MGAT5: variants seen among roughly 807,000 people sequenced by gnomAD.
MGAT5 encodes alpha-1,6-mannosylglycoprotein 6-beta-N-acetylglucosaminyltransferase A.
In MGAT5, 30 loss-of-function variants were observed where a neutral mutation model predicts 94.3. That is an observed-to-expected ratio of 0.32 (90% CI 0.24 to 0.43). The LOEUF is 0.43. Ranked by LOEUF, MGAT5 falls within the 20% of genes least tolerant of loss-of-function variation. The pLI is 1.00. For missense variants in MGAT5, 691 were observed against 905.5 expected (o/e 0.76, Z 3.04); for synonymous variants, 310 against 322.9 (o/e 0.96, Z 0.43).
intron 11 of MGAT5, among the ~76,000 whole-genome samples, chr2:134,407,874 T>C (rs1344640289): frequency 6.6e-6 from 1 of 152,192 alleles, no homozygotes; most frequent in Non-Finnish European, 1.5e-5. Context: ...AATTGGGCAG[T>C]CCCATTCAGA....
intron 1 of MGAT5, among the ~76,000 whole-genome samples, chr2:134,182,860 C>G (rs1688811764): frequency 7.0e-6 from 1 of 142,042 alleles, no homozygotes; most frequent in South Asian, 2.3e-4. Flanking sequence ...GATCTCAGCT[C>G]ACTGCAAGCT....
chr2:134,338,312 A>G lies in MGAT5; in HGVS notation c.699A>G (p.Glu233=). ...NILYSMMKKH[E]EFRWMRLRIR... ...TCTACAGTATGATGAAAAAGCATGA[A>G]GAATTCCGGTGGATGAGACTACGGA... is the stretch of plus-strand genomic sequence containing the variant. Residue 233 remains glutamate (E), a synonymous_variant, in exon 6 of 16, where the codon GAA becomes GAG. Transcript: ENST00000281923. The G allele has an allele frequency of 1.2e-6, 2 of 1,613,266 alleles. No individual in the cohort carries two copies. The highest frequency in any genetic ancestry group is 1.7e-6 in the Non-Finnish European group (2 of 1,179,544).
At chr2:134,272,253 G>A (rs1684075259) in intron 2 of MGAT5, among the ~76,000 whole-genome samples, 1 of 152,192 alleles carries the variant, frequency 6.6e-6, no homozygotes, top group Non-Finnish European at 1.5e-5. Flanking sequence ...TTGAGCTAGT[G>A]TACCGCTTAA....
At chr2:134,389,646 G>T (rs1402941158) in intron 10 of MGAT5, among the ~76,000 whole-genome samples, 1 of 152,182 alleles carries the variant, frequency 6.6e-6, no homozygotes. Flanking sequence ...TTAATGGTGT[G>T]TGAAGGTGAC....
intron 12 of MGAT5, among the ~76,000 whole-genome samples, chr2:134,418,863 C>G (rs992948965): frequency 6.6e-6 from 1 of 152,190 alleles, no homozygotes; most frequent in East Asian, 1.9e-4. Flanking sequence ...CCTCCAGCAA[C>G]ATCAGACAGC....
chr2:134,126,114 G>C (rs1685827978), intron 1 of MGAT5, among the ~76,000 whole-genome samples: 1 of 152,226 alleles, frequency 6.6e-6, no homozygotes, highest in African/African-American at 2.4e-5. Flanking sequence ...CTGAACCCAA[G>C]ATCGCCATAC....
intron 10 of MGAT5, among the ~76,000 whole-genome samples, chr2:134,387,450 C>T (rs1442466605): frequency 2.0e-5 from 3 of 148,570 alleles, no homozygotes; most frequent in Non-Finnish European, 3.0e-5. Context: ...GACTAGAGGA[C>T]CTTAAGCAAG....
At chr2:134,144,447 C>T (rs951195314) in intron 1 of MGAT5, among the ~76,000 whole-genome samples, 30 of 152,176 alleles carry the variant, frequency 2.0e-4, no homozygotes, top group Middle Eastern at 6.8e-3. Flanking sequence ...TGGTGCTAAC[C>T]CATTCATGAG....
intron 4 of MGAT5, among the ~76,000 whole-genome samples, chr2:134,330,554 AGT>A (rs34688054): frequency 6.1e-5 from 9 of 148,594 alleles, no homozygotes; most frequent in East Asian, 2.0e-4. Flanking sequence ...TAAATTGTGT[AGT>A]GTGTGTGTGT....
chr2:134,261,192 C>G (rs952853268), intron 1 of MGAT5, among the ~76,000 whole-genome samples: 1 of 152,158 alleles, frequency 6.6e-6, no homozygotes, highest in African/African-American at 2.4e-5. Context: ...GGAGGGATTG[C>G]ACGCACATGT....
At chr2:134,342,849 T>G (rs1688714489) in intron 7 of MGAT5, among the ~76,000 whole-genome samples, 1 of 152,128 alleles carries the variant, frequency 6.6e-6, no homozygotes, top group Non-Finnish European at 1.5e-5. Flanking sequence ...CAGCTTGTGG[T>G]CAAAGATCTT....
intron 1 of MGAT5, among the ~76,000 whole-genome samples, chr2:134,208,900 C>T (rs1057506159): frequency 2.4e-4 from 36 of 152,240 alleles, no homozygotes; most frequent in Non-Finnish European, 1.6e-4. Context: ...AATAAATAAC[C>T]GAGAGAATCA....
intron 2 of MGAT5, among the ~76,000 whole-genome samples, chr2:134,303,784 T>C (rs1686171501): frequency 6.6e-6 from 1 of 152,186 alleles, no homozygotes; most frequent in African/African-American, 2.4e-5. Context: ...TTTTTGGGAA[T>C]ATGCTACCTT....
At chr2:134,316,656 T>G (rs543397650) in intron 2 of MGAT5, among the ~76,000 whole-genome samples, 12 of 152,152 alleles carry the variant, frequency 7.9e-5, no homozygotes, top group Non-Finnish European at 1.5e-4. Flanking sequence ...GTGATCAGAT[T>G]AGGGTAATTA....
intron 1 of MGAT5, chr2:134,231,236 A>T (rs1233888421): frequency 6.6e-6 from 1 of 152,160 alleles, no homozygotes; most frequent in Non-Finnish European, 1.5e-5. Context: ...ATCTGTTCTG[A>T]TATTGGAAGC....
At chr2:134,381,939 CAA>C (rs895041591) in intron 10 of MGAT5, among the ~76,000 whole-genome samples, 1 of 152,078 alleles carries the variant, frequency 6.6e-6, no homozygotes, top group Non-Finnish European at 1.5e-5. Context: ...TTAATAAAAA[CAA>C]AAATTATTTT....
intron 1 of MGAT5, among the ~76,000 whole-genome samples, chr2:134,168,074 G>T (rs1688037765): frequency 6.6e-6 from 1 of 152,176 alleles, no homozygotes. Flanking sequence ...CTTCGCAGTG[G>T]TTCTAGAACT....
intron 1 of MGAT5, among the ~76,000 whole-genome samples, chr2:134,123,993 C>G (rs1436075345): frequency 6.6e-6 from 1 of 152,222 alleles, no homozygotes; most frequent in Non-Finnish European, 1.5e-5. Flanking sequence ...CTTAAAGTCT[C>G]TAATCTAAGC....
Position 134,453,447 on chromosome 2 carries a change from C to A in MGAT5, c.*4600C>A, listed in dbSNP as rs979517291. ...CATTCCAAGGGTTTTCCTCAAGGAA[C>A]ATTTTTGAGCTAGAAATTAAAATGG... On this transcript the variant is annotated 3_prime_UTR_variant, in exon 16 of 16. Transcript: ENST00000281923. 2.0e-5 allele frequency: 3 copies of A among 152,362 alleles called. No individual in the cohort carries two copies. Among genetic ancestry groups the A allele is most frequent in the African/African-American group, 7.2e-5 (3 of 41,586 alleles). The allele number at this position is 152,362 out of a possible 1,614,324, so 9.4% of individuals were successfully genotyped here.
Sources: gnomAD v4.1 joint callset for allele counts (sites outside exome capture counted in the v4.1 genomes callset) on GRCh38, gnomAD v4.1.1 for gene constraint, MANE v1.5 for transcripts, NCBI Gene and HGNC (gene_info 2026-07-23, HGNC 2026-07-21) for gene names.